The following LRMDA variants were observed in gnomAD, a reference collection of about 807,000 sequenced individuals.
LRMDA encodes the protein leucine rich melanocyte differentiation associated.
Under a neutral mutation model 29.8 loss-of-function variants are expected in LRMDA, and 18 were observed. The observed-to-expected ratio is 0.60, with a 90% CI of 0.42 to 0.90. The LOEUF (loss-of-function observed/expected upper bound fraction) is 0.90, where lower values mean the gene tolerates loss of function less well. Among genes scored for constraint, LRMDA ranks in the 40% least tolerant of loss-of-function variants. The probability of loss-of-function intolerance (pLI) is 0.00; values close to 1 mark genes in which losing one functional copy is unlikely to be tolerated. For missense variants in LRMDA, 273 were observed against 273.9 expected (o/e 1.00, Z 0.02); for synonymous variants, 125 against 109.4 (o/e 1.14, Z -0.89).
intron 2 of LRMDA, among the ~76,000 whole-genome samples, chr10:75,674,729 T>C (rs1200233279): frequency 2.0e-5 from 3 of 152,182 alleles, no homozygotes; most frequent in Non-Finnish European, 4.4e-5. Context: ...CTTGACTCCT[T>C]GCCTTTGCTT....
At chr10:75,730,308 G>A (rs370710608) in intron 2 of LRMDA, among the ~76,000 whole-genome samples, 10 of 151,908 alleles carry the variant, frequency 6.6e-5, no homozygotes, top group East Asian at 3.9e-4. Flanking sequence ...TCTTGTTCAC[G>A]TAGATCTCAA....
chr10:76,465,833 T>A (rs566619004), intron 6 of LRMDA, among the ~76,000 whole-genome samples: 49 of 152,136 alleles, frequency 3.2e-4, no homozygotes, highest in African/African-American at 1.2e-3. Context: ...CCCCTCCCCT[T>A]GTAGGTGGCT....
At chr10:76,530,305 GA>G (rs1171103847) in intron 6 of LRMDA, among the ~76,000 whole-genome samples, 1 of 152,130 alleles carries the variant, frequency 6.6e-6, no homozygotes, top group Admixed American at 6.6e-5. Flanking sequence ...AGGAATATAG[GA>G]AGAGAAAGTA....
chr10:75,633,166 G>A (rs1340364611), intron 2 of LRMDA, among the ~76,000 whole-genome samples: 3 of 152,138 alleles, frequency 2.0e-5, no homozygotes. Flanking sequence ...CAGCCTTTGT[G>A]CGCACATTCT....
At chr10:75,526,890 T>C (rs905263752) in intron 2 of LRMDA, among the ~76,000 whole-genome samples, 5 of 150,502 alleles carry the variant, frequency 3.3e-5, no homozygotes, top group Admixed American at 6.6e-5. Context: ...TAATATGAAA[T>C]GTACCATTTA....
At chr10:75,846,011 T>G (rs1478696939) in intron 2 of LRMDA, among the ~76,000 whole-genome samples, 1 of 152,190 alleles carries the variant, frequency 6.6e-6, no homozygotes, top group East Asian at 1.9e-4. Context: ...TGTTTTACTT[T>G]GTTGCTCTGC....
rs141422770 is a variant in LRMDA at position 76,225,696 on chromosome 10, T to TTTTATTTATTTATTTATTTA, written c.517-98698_517-98679dup. 2.8e-3 allele frequency among the ~76,000 whole-genome samples: 399 copies of TTTTATTTATTTATTTATTTA among 144,982 alleles called. 3 individuals are homozygous for TTTTATTTATTTATTTATTTA. The highest frequency in any genetic ancestry group is 0.011 in the Middle Eastern group (3 of 276). ...GAAATATCTGAGACTGGGTAATTTA[T>TTTTATTTATTTATTTATTTA]TTTATTTATTTATTTATTTATTTAT... is the stretch of plus-strand genomic sequence containing the variant. On this transcript the variant is annotated intron_variant, in intron 5 of 6. Transcript: ENST00000611255.
intron 5 of LRMDA, among the ~76,000 whole-genome samples, chr10:76,121,472 GT>G (rs1455567468): frequency 6.6e-6 from 1 of 152,194 alleles, no homozygotes; most frequent in Non-Finnish European, 1.5e-5. Context: ...TCTGTCATCT[GT>G]TTGATGCAGA....
intron 5 of LRMDA, among the ~76,000 whole-genome samples, chr10:76,153,583 C>T (rs1232489422): frequency 6.6e-6 from 1 of 152,106 alleles, no homozygotes; most frequent in Non-Finnish European, 1.5e-5. Context: ...GGAGAGTGGG[C>T]ATTCTTGTCA....
At position 76,130,115 on chromosome 10, in the gene LRMDA, G is replaced by GT. The variant is rs35171640; in HGVS notation, c.516+71347dup. On this transcript the variant is annotated intron_variant, in intron 5 of 6. Coordinates refer to ENST00000611255, the MANE Select transcript of LRMDA (RefSeq NM_001305581.2). ...ACACCAGTCACTGTGGCTGCTCAAAGTTTTTTTTTTTTTTTGGACACTTCT... is the reference window on the plus strand; with the variant it reads ...ACACCAGTCACTGTGGCTGCTCAAAGTTTTTTTTTTTTTTTTGGACACTTCT... 1.2e-3 allele frequency among the ~76,000 whole-genome samples: 164 copies of GT among 140,690 alleles called. 1 individual carries two copies. The Middle Eastern group carries it at 0.019, about 16-fold the overall frequency. The allele number at this position is 140,690 out of a possible 152,430, so 92.3% of individuals were successfully genotyped here.
Position 75,787,955 on chromosome 10 carries a change from G to T in LRMDA, c.132-248053G>T, listed in dbSNP as rs184941589. Among the ~76,000 whole-genome samples the T allele has an allele frequency of 9.8e-3, 1,495 of 152,352 alleles. 22 individuals carry two copies. The highest frequency in any genetic ancestry group is 0.034 in the African/African-American group (1,405 of 41,578). On this transcript the variant is annotated intron_variant, in intron 2 of 6. Transcript: ENST00000611255. ...GAGGCAGGAGAATGGCGTGAACCCA[G>T]GAGGAGGAGCTTGCAGTGAGCTGAG...
intron 2 of LRMDA, among the ~76,000 whole-genome samples, chr10:75,839,173 A>G (rs1844492098): frequency 6.6e-6 from 1 of 152,252 alleles, no homozygotes; most frequent in Non-Finnish European, 1.5e-5. Flanking sequence ...AAGAATGCTC[A>G]TTCAGAATGA....
intron 5 of LRMDA, among the ~76,000 whole-genome samples, chr10:76,061,109 A>G (rs1457470906): frequency 6.6e-6 from 1 of 152,184 alleles, no homozygotes; most frequent in Non-Finnish European, 1.5e-5. Flanking sequence ...TAGCAAAGAC[A>G]TGGAATCAGC....
chr10:75,966,919 C>T (rs1470733874), intron 2 of LRMDA, among the ~76,000 whole-genome samples: 1 of 152,208 alleles, frequency 6.6e-6, no homozygotes, highest in Non-Finnish European at 1.5e-5. Flanking sequence ...TAGATATACA[C>T]CCAACTAATA....
chr10:76,492,605 G>A (rs1842844656), intron 6 of LRMDA, among the ~76,000 whole-genome samples: 1 of 152,026 alleles, frequency 6.6e-6, no homozygotes, highest in African/African-American at 2.4e-5. Flanking sequence ...GTTAGACCTT[G>A]TATTAATTCG....
chr10:75,595,234 T>C (rs1840771629), intron 2 of LRMDA, among the ~76,000 whole-genome samples: 1 of 152,190 alleles, frequency 6.6e-6, no homozygotes. Flanking sequence ...AATTACAAAA[T>C]GATGGATTTG....
intron 2 of LRMDA, among the ~76,000 whole-genome samples, chr10:75,905,927 A>C (rs548181805): frequency 1.1e-4 from 10 of 94,134 alleles, no homozygotes; most frequent in African/African-American, 7.7e-4. Context: ...CCCCTAGCCA[A>C]AGGTTTTTTT....
chr10:76,315,096 C>T (rs915134855), intron 5 of LRMDA, among the ~76,000 whole-genome samples: 1 of 152,178 alleles, frequency 6.6e-6, no homozygotes, highest in South Asian at 2.1e-4. Context: ...TTCTCAATTC[C>T]GGTCTCCACA....
At chr10:75,586,736 A>AT (rs1429708000) in intron 2 of LRMDA, among the ~76,000 whole-genome samples, 7 of 145,310 alleles carry the variant, frequency 4.8e-5, no homozygotes, top group East Asian at 2.0e-4. Context: ...GACATTGAGC[A>AT]TTTTTTTTTC....
Sources: gnomAD v4.1 joint callset for allele counts (sites outside exome capture counted in the v4.1 genomes callset) on GRCh38, gnomAD v4.1.1 for gene constraint, MANE v1.5 for transcripts, NCBI Gene and HGNC (gene_info 2026-07-23, HGNC 2026-07-21) for gene names.